Variants in LDAH observed in about 807,000 individuals in gnomAD.
LDAH encodes lipid droplet associated hydrolase.
LDAH carries 26 observed loss-of-function variants against 29.6 expected under a neutral mutation model. That is an observed-to-expected ratio of 0.88 (90% CI 0.64 to 1.22). The LOEUF (loss-of-function observed/expected upper bound fraction) is 1.22, where lower values mean the gene tolerates loss of function less well. Among genes scored for constraint, LDAH ranks in the 50% most tolerant of loss-of-function variants. The pLI, the probability that LDAH is intolerant of heterozygous loss-of-function variation, is 0.00. For missense variants in LDAH, 344 were observed against 387.3 expected (o/e 0.89, Z 0.94); for synonymous variants, 117 against 133.0 (o/e 0.88, Z 0.83).
At chr2:20,694,752 G>A (rs983991338) in intron 6 of LDAH, among the ~76,000 whole-genome samples, 1 of 152,226 alleles carries the variant, frequency 6.6e-6, no homozygotes, top group African/African-American at 2.4e-5. Context: ...GGGGCACTGT[G>A]TGGCTCACTC....
At chr2:20,722,541 G>A (rs1000925567) in intron 5 of LDAH, among the ~76,000 whole-genome samples, 2 of 152,090 alleles carry the variant, frequency 1.3e-5, no homozygotes, top group Admixed American at 6.5e-5. Context: ...ATTTGATAAT[G>A]CAGTGGGAAA....
At chr2:20,749,247 TA>T (rs1480242337) in intron 4 of LDAH, among the ~76,000 whole-genome samples, 2 of 152,164 alleles carry the variant, frequency 1.3e-5, no homozygotes, top group Non-Finnish European at 2.9e-5. Flanking sequence ...ATTTCTTCTC[TA>T]TAAGGGTCAA....
intron 1 of LDAH, among the ~76,000 whole-genome samples, chr2:20,808,261 G>A (rs1261875121): frequency 1.3e-5 from 2 of 152,174 alleles, no homozygotes; most frequent in African/African-American, 4.8e-5. Context: ...TTAATTCTTA[G>A]ATTTGTAAAA....
chr2:20,738,407 CTCT>C (rs1558428706), intron 5 of LDAH, among the ~76,000 whole-genome samples: 4 of 149,596 alleles, frequency 2.7e-5, no homozygotes, highest in Admixed American at 6.6e-5. Context: ...TGCATCCCTC[CTCT>C]TATTTTCAGG....
chr2:20,720,985 C>A (rs1031793160), intron 5 of LDAH, among the ~76,000 whole-genome samples: 2 of 152,036 alleles, frequency 1.3e-5, no homozygotes, highest in African/African-American at 4.8e-5. Context: ...AAAATCAACT[C>A]AAATGGATTA....
chr2:20,756,624 A>G (rs1668361493), intron 4 of LDAH, among the ~76,000 whole-genome samples: 2 of 152,238 alleles, frequency 1.3e-5, no homozygotes. Flanking sequence ...GTTTAATTAG[A>G]TGAATTGGAA....
At chr2:20,689,720 G>A (rs1053128827) in intron 6 of LDAH, among the ~76,000 whole-genome samples, 8 of 152,288 alleles carry the variant, frequency 5.3e-5, no homozygotes, top group African/African-American at 9.6e-5. Context: ...GGGAACAGTC[G>A]CTATGCAGTT....
chr2:20,757,644 A>G (rs1281020334), intron 4 of LDAH, among the ~76,000 whole-genome samples: 1 of 152,222 alleles, frequency 6.6e-6, no homozygotes, highest in Non-Finnish European at 1.5e-5. Context: ...TTTCTGGCTG[A>G]GATTAACATT....
intron 4 of LDAH, among the ~76,000 whole-genome samples, chr2:20,742,495 A>G (rs909497335): frequency 6.6e-5 from 10 of 152,238 alleles, no homozygotes; most frequent in Non-Finnish European, 1.3e-4. Flanking sequence ...AGGCACATGC[A>G]TGTAAAGGAC....
At chr2:20,750,146 C>T (rs1667873502) in intron 4 of LDAH, among the ~76,000 whole-genome samples, 1 of 151,902 alleles carries the variant, frequency 6.6e-6, no homozygotes, top group Non-Finnish European at 1.5e-5. Flanking sequence ...CCACCTCATC[C>T]TCCGTAGTAG....
chr2:20,738,253 A>AAATAATAATAATAATAAT (rs3047714), intron 5 of LDAH, among the ~76,000 whole-genome samples: 56 of 141,804 alleles, frequency 3.9e-4, no homozygotes, highest in African/African-American at 5.8e-4. Flanking sequence ...TTCCATCTCA[A>AAATAATAATAATAATAAT]AATAATAATA....
In LDAH at chr2:20,686,989, T is replaced by A. The variant is rs1429837664; in HGVS notation, c.892A>T (p.Ile298Leu). 6.2e-7 allele frequency: 1 copy of A among 1,614,196 alleles called. No individual in the cohort carries two copies. The highest frequency in any genetic ancestry group is 8.5e-7 in the Non-Finnish European group (1 of 1,180,006). Residue 298 changes from isoleucine to leucine, a missense_variant, in exon 7 of 7, where the codon ATA (isoleucine) becomes TTA (leucine). Transcript: ENST00000237822. Reference protein sequence around the residue: ...EGDIRLCEKNIPHAFITHFNQ... With the variant: ...EGDIRLCEKNLPHAFITHFNQ... ...AAATGGGTGATGAAAGCATGAGGTA[T>A]GTTTTTCTCACAGAGTCGAATGTCT...
At chr2:20,721,112 C>G (rs57130677) in intron 5 of LDAH, among the ~76,000 whole-genome samples, 1 of 151,650 alleles carries the variant, frequency 6.6e-6, no homozygotes, top group African/African-American at 2.4e-5. Context: ...GCAACAAAAG[C>G]GAAAAATAGA....
At chr2:20,785,712 T>A (rs1325475173) in intron 3 of LDAH, among the ~76,000 whole-genome samples, 6 of 152,228 alleles carry the variant, frequency 3.9e-5, no homozygotes, top group African/African-American at 1.4e-4. Flanking sequence ...TTATAAATTA[T>A]TTTTTTCTCT....
At chr2:20,793,957 A>G (rs1671137025) in intron 2 of LDAH, among the ~76,000 whole-genome samples, 1 of 152,334 alleles carries the variant, frequency 6.6e-6, no homozygotes, top group Admixed American at 6.5e-5. Context: ...TGCCCAGTGT[A>G]TAAAAACTCT....
At chr2:20,758,384 T>C (rs1255933089) in intron 4 of LDAH, among the ~76,000 whole-genome samples, 1 of 152,042 alleles carries the variant, frequency 6.6e-6, no homozygotes, top group Non-Finnish European at 1.5e-5. Context: ...AGGCAAAAAA[T>C]AGAATAACTA....
chr2:20,728,849 G>C (rs1464688915), intron 5 of LDAH, among the ~76,000 whole-genome samples: 1 of 152,122 alleles, frequency 6.6e-6, no homozygotes, highest in Non-Finnish European at 1.5e-5. Flanking sequence ...TGAAGTAGTA[G>C]TTATTTGGCT....
At chr2:20,778,688 A>G (rs937383210) in intron 3 of LDAH, among the ~76,000 whole-genome samples, 11 of 152,156 alleles carry the variant, frequency 7.2e-5, no homozygotes, top group African/African-American at 2.4e-4. Flanking sequence ...TTAAATGCCA[A>G]AGTTAAGTAT....
intron 1 of LDAH, among the ~76,000 whole-genome samples, chr2:20,821,672 A>T (rs989305845): frequency 6.6e-6 from 1 of 151,926 alleles, no homozygotes; most frequent in Non-Finnish European, 1.5e-5. Context: ...TGTAAATGAC[A>T]AGTTAATGGG....
Sources: allele counts gnomAD v4.1 joint callset (sites outside exome capture counted in the v4.1 genomes callset), GRCh38; gene constraint gnomAD v4.1.1; transcripts MANE v1.5; gene names NCBI Gene and HGNC (gene_info 2026-07-23, HGNC 2026-07-21).